SOS2: variants seen among roughly 807,000 people sequenced by gnomAD.
SOS2 encodes the protein SOS Ras/Rho guanine nucleotide exchange factor 2.
A neutral mutation model predicts 148.2 loss-of-function variants in SOS2; 65 were observed. The observed-to-expected ratio is 0.44, with a 90% CI of 0.36 to 0.54. The LOEUF is 0.54. SOS2 is among the 20% of genes least tolerant of loss of function. The pLI is 0.00. For missense variants in SOS2, 1,341 were observed against 1,590.2 expected, an observed-to-expected ratio of 0.84 and a Z score of 2.67; for synonymous variants, 539 against 537.1, an observed-to-expected ratio of 1.00 and a Z score of -0.05.
chr14:50,160,705 A>G (rs1884976459), intron 9 of SOS2, among the ~76,000 whole-genome samples: 1 of 152,114 alleles, frequency 6.6e-6, no homozygotes, highest in Admixed American at 6.6e-5. Context: ...TAATCTTAAG[A>G]CTAGGCTGGG....
intron 1 of SOS2, among the ~76,000 whole-genome samples, chr14:50,210,207 A>G (rs2139816677): frequency 6.6e-6 from 1 of 152,356 alleles, no homozygotes; most frequent in East Asian, 1.9e-4. Flanking sequence ...AAAGAAATCA[A>G]TGGGACATAA....
chr14:50,178,729 C>CAT (rs763954421), intron 7 of SOS2, among the ~76,000 whole-genome samples: 3,091 of 25,106 alleles, frequency 0.12, 140 homozygotes, highest in Middle Eastern at 0.2. Flanking sequence ...TATACACACA[C>CAT]ATATATATAT....
intron 6 of SOS2, among the ~76,000 whole-genome samples, chr14:50,182,227 G>T (rs1284588553): frequency 6.6e-6 from 1 of 151,994 alleles, no homozygotes; most frequent in Non-Finnish European, 1.5e-5. Flanking sequence ...TGGAGACAGG[G>T]TCTCACTCTG....
At chr14:50,132,519 G>A (rs1350545012) in intron 19 of SOS2, among the ~76,000 whole-genome samples, 1 of 151,712 alleles carries the variant, frequency 6.6e-6, no homozygotes, top group African/African-American at 2.4e-5. Context: ...AAATTAGCCG[G>A]GCGTAGTGGC....
chr14:50,124,198 G>A (rs909469729), intron 21 of SOS2, among the ~76,000 whole-genome samples: 1 of 152,128 alleles, frequency 6.6e-6, no homozygotes, highest in Non-Finnish European at 1.5e-5. Flanking sequence ...TCATGTAAAC[G>A]ATACAAGACT....
intron 1 of SOS2, among the ~76,000 whole-genome samples, chr14:50,217,401 T>A (rs12885570): frequency 2.0e-5 from 3 of 151,978 alleles, no homozygotes; most frequent in Non-Finnish European, 2.9e-5. Context: ...ATTTAAACTA[T>A]AAAATTTCTA....
intron 16 of SOS2, among the ~76,000 whole-genome samples, chr14:50,142,371 A>G (rs775848992): frequency 1.3e-5 from 2 of 152,166 alleles, no homozygotes; most frequent in Non-Finnish European, 2.9e-5. Flanking sequence ...AAATCAATAA[A>G]ATGCAAACAC....
chr14:50,201,710 T>C (rs960221552), intron 2 of SOS2, among the ~76,000 whole-genome samples: 1 of 152,028 alleles, frequency 6.6e-6, no homozygotes, highest in Non-Finnish European at 1.5e-5. Context: ...CATGAAATAG[T>C]GTATTAGTGA....
Position 50,199,670 on chromosome 14 carries a change from TA to T in SOS2, c.510+20del, listed in dbSNP as rs766815605. 1 of 1,489,344 alleles carries T rather than the reference TA, an allele frequency of 6.7e-7. No individual in the cohort carries two copies. Among genetic ancestry groups the T allele is most frequent in the African/African-American group, 1.4e-5 (1 of 70,270 alleles). The allele number at this position is 1,489,344 out of a possible 1,614,324, so 92.3% of individuals were successfully genotyped here. Reference sequence around the variant, plus strand: ...GTATAGTTGCTATTCAAGTTAAATTTAAATACCTTGTAACACTTACCTTATC... The same window carrying T: ...GTATAGTTGCTATTCAAGTTAAATTTAATACCTTGTAACACTTACCTTATC... On this transcript the variant is annotated intron_variant, in intron 4 of 22. Coordinates refer to ENST00000216373, the MANE Select transcript of SOS2 (RefSeq NM_006939.4).
At chr14:50,219,023 G>A (rs1014183718) in intron 1 of SOS2, among the ~76,000 whole-genome samples, 3 of 151,712 alleles carry the variant, frequency 2.0e-5, no homozygotes, top group African/African-American at 7.3e-5. Flanking sequence ...TGAGGCAGGA[G>A]AATCACTTGA....
intron 1 of SOS2, among the ~76,000 whole-genome samples, chr14:50,220,333 G>C (rs1160079153): frequency 7.2e-6 from 1 of 138,092 alleles, no homozygotes; most frequent in African/African-American, 2.7e-5. Context: ...GTGAACCCGG[G>C]AGGCAGAGCT....
rs10707547 is a variant in SOS2 at position 50,152,964 on chromosome 14, CA to C, written c.2161+105del. ...TGGACAACAAAGCAAAGCTCTGTTT[CA>C]AAAAAAAAAAAGAGAGAGAAATGTT... On this transcript the variant is annotated intron_variant, in intron 13 of 22. Coordinates refer to ENST00000216373, the MANE Select transcript of SOS2 (RefSeq NM_006939.4). 0.53 allele frequency: 243,690 copies of C among 463,534 alleles called. 43,075 individuals carry two copies. The highest frequency in any genetic ancestry group is 0.59 in the Admixed American group (16,587 of 28,294). 28.7% of individuals were successfully genotyped at this position (463,534 alleles called of 1,614,324 possible). A position where few individuals can be genotyped will look rare whatever the true frequency, so the allele number is the denominator to read the frequency against.
intron 1 of SOS2, among the ~76,000 whole-genome samples, chr14:50,224,227 G>C (rs988292516): frequency 1.3e-4 from 20 of 150,774 alleles, no homozygotes; most frequent in African/African-American, 4.9e-4. Flanking sequence ...GGAGGCAGAG[G>C]TTGCAGTGAG....
At chr14:50,208,504 C>T (rs965888101) in intron 1 of SOS2, among the ~76,000 whole-genome samples, 2 of 151,694 alleles carry the variant, frequency 1.3e-5, no homozygotes, top group African/African-American at 4.8e-5. Context: ...CAAAAATTAG[C>T]CGGTGTGGTG....
At chr14:50,182,254 G>GT (rs1566841357) in intron 6 of SOS2, among the ~76,000 whole-genome samples, 1 of 150,580 alleles carries the variant, frequency 6.6e-6, no homozygotes, top group Non-Finnish European at 1.5e-5. Context: ...AGGATGGAGT[G>GT]CAGTGACACA....
In SOS2 at chr14:50,178,077, T is replaced by C. The variant is rs539680672; in HGVS notation, c.969+2495A>G. On this transcript the variant is annotated intron_variant, in intron 7 of 22. Coordinates refer to ENST00000216373, the MANE Select transcript of SOS2 (RefSeq NM_006939.4). ...TAATTAAGAGACTTAGAAGAAGAAA[T>C]CAGAGAAGACGAAAATTGGGAACAT... 2.0e-5 allele frequency among the ~76,000 whole-genome samples: 3 copies of C among 152,114 alleles called. No homozygotes were observed. The East Asian group carries it at 5.8e-4, about 29-fold the overall frequency.
chr14:50,220,341 G>A (rs1237893069), intron 1 of SOS2, among the ~76,000 whole-genome samples: 2 of 124,410 alleles, frequency 1.6e-5, no homozygotes, highest in African/African-American at 6.1e-5. Flanking sequence ...GGGAGGCAGA[G>A]CTTGCAGTGA....
At chr14:50,140,513 T>G (rs942628534) in intron 16 of SOS2, among the ~76,000 whole-genome samples, 9 of 152,184 alleles carry the variant, frequency 5.9e-5, no homozygotes, top group African/African-American at 2.2e-4. Flanking sequence ...TCTTTTATAC[T>G]TCATTACTAG....
chr14:50,156,850 C>A, intron 12 of SOS2, 149 bp downstream of exon 12: 1 of 398,812 alleles, frequency 2.5e-6, no homozygotes, highest in Non-Finnish European at 4.4e-6. Context: ...TTTAACTTAA[C>A]TGCTGTGAAG....
Sources: gnomAD v4.1 joint callset for allele counts (sites outside exome capture counted in the v4.1 genomes callset) on GRCh38, gnomAD v4.1.1 for gene constraint, MANE v1.5 for transcripts, NCBI Gene and HGNC (gene_info 2026-07-23, HGNC 2026-07-21) for gene names.